Variants in PCDHGA9 observed in about 807,000 individuals in gnomAD.
The protein encoded by PCDHGA9 is protocadherin gamma subfamily A, 9.
PCDHGA9 carries 37 observed loss-of-function variants against 62.5 expected under a neutral mutation model. That is an observed-to-expected ratio of 0.59 (90% CI 0.46 to 0.78). The LOEUF (loss-of-function observed/expected upper bound fraction) is 0.78, where lower values mean the gene tolerates loss of function less well. Among genes scored for constraint, PCDHGA9 ranks in the 30% least tolerant of loss-of-function variants. The probability of loss-of-function intolerance (pLI) is 0.00; values close to 1 mark genes in which losing one functional copy is unlikely to be tolerated. For synonymous variants in PCDHGA9, 459 were observed against 484.6 expected, an observed-to-expected ratio of 0.95 and a Z score of 0.69; for missense variants, 1,138 against 1,166.2, an observed-to-expected ratio of 0.98 and a Z score of 0.35.
intron 1 of PCDHGA9, chr5:141,417,543 C>T: frequency 6.5e-6 from 2 of 307,994 alleles, no homozygotes; most frequent in Non-Finnish European, 1.2e-5. Flanking sequence ...AAAAAAAATT[C>T]CTTGAAAGAG....
rs1415142555 is a variant in PCDHGA9, at chr5:141,476,011, A to G, written c.2425-18796A>G. The G allele has an allele frequency of 7.6e-7, 1 of 1,311,282 alleles. No individual in the cohort carries two copies. The highest frequency in any genetic ancestry group is 1.0e-6 in the Non-Finnish European group (1 of 962,238). 81.2% of individuals were successfully genotyped at this position (1,311,282 alleles called of 1,614,324 possible). ...GCAAATCAACGGCATCCAGAAAGCC[A>G]TGTCGGACTCGGCGCCCAGCGCCCA... On this transcript the variant is annotated intron_variant, in intron 1 of 3. Coordinates refer to ENST00000573521, the MANE Select transcript of PCDHGA9 (RefSeq NM_018921.3). This position sits in a 1 kb window ranked among gnomAD's most constrained non-coding sequence, Gnocchi z 7.6.
chr5:141,469,394 G>A lies in PCDHGA9; in HGVS notation c.2425-25413G>A, dbSNP rs550152670. Among the ~76,000 whole-genome samples the A allele has an allele frequency of 2.5e-4, 38 of 152,198 alleles. 1 individual carries two copies. The highest frequency in any genetic ancestry group is 8.4e-4 in the African/African-American group (35 of 41,514). On this transcript the variant is annotated intron_variant, in intron 1 of 3. Coordinates refer to ENST00000573521, the MANE Select transcript of PCDHGA9 (RefSeq NM_018921.3). ...GATCGAGACCATCCTGGCCAACATG[G>A]TGAAACCCCGTTTCTACTAAAAATA...
chr5:141,438,347 C>T (rs150878327), intron 1 of PCDHGA9, among the ~76,000 whole-genome samples: 7 of 151,730 alleles, frequency 4.6e-5, no homozygotes, highest in Non-Finnish European at 2.9e-5. Flanking sequence ...TAAGGATCTA[C>T]TCTGTGTATT....
chr5:141,483,501 G>A (rs1022338958), intron 1 of PCDHGA9, among the ~76,000 whole-genome samples: 2 of 150,394 alleles, frequency 1.3e-5, no homozygotes, highest in Admixed American at 1.3e-4. Context: ...ATGAGTCAAG[G>A]CTGATCCCCC....
intron 1 of PCDHGA9, chr5:141,419,076 C>G: frequency 6.2e-7 from 1 of 1,613,956 alleles, no homozygotes; most frequent in Non-Finnish European, 8.5e-7. Context: ...AAGCTAGTAA[C>G]AGATGAGGCC....
chr5:141,419,177 C>G (rs1223789288), intron 1 of PCDHGA9: 3 of 1,613,980 alleles, frequency 1.9e-6, no homozygotes, highest in Non-Finnish European at 2.5e-6. Flanking sequence ...AACCATAACC[C>G]TGCACATTAC....
At position 141,405,062 on chromosome 5, in the gene PCDHGA9, T is replaced by C; in HGVS notation, c.2110T>C (p.Phe704Leu). ...GGCTGTGGCAGTCGTCTCCTGTGTC[T>C]TCCTCACCTTCGTTATCACGCTGCT... ...VVAVAVVSCVFLTFVITLLAL... is the reference protein window; with the variant it reads ...VVAVAVVSCVLLTFVITLLAL... The change falls in exon 1 of 4, where the codon TTC (phenylalanine) becomes CTC (leucine). Residue 704 changes from phenylalanine (F) to leucine (L), a missense_variant. Phe to Leu is a conservative substitution (Grantham distance 22). Coordinates refer to ENST00000573521, the MANE Select transcript of PCDHGA9 (RefSeq NM_018921.3). 6.2e-7 allele frequency: 1 copy of C among 1,613,918 alleles called. No individual in the cohort carries two copies. The highest frequency in any genetic ancestry group is 8.5e-7 in the Non-Finnish European group (1 of 1,179,790).
chr5:141,409,023 A>C, intron 1 of PCDHGA9: 1 of 1,614,044 alleles, frequency 6.2e-7, no homozygotes, highest in Non-Finnish European at 8.5e-7. Flanking sequence ...GAGGGGGTCA[A>C]TGCTGAGATA....
At chr5:141,496,602 C>T (rs981108050) in intron 2 of PCDHGA9, among the ~76,000 whole-genome samples, 1 of 152,150 alleles carries the variant, frequency 6.6e-6, no homozygotes, top group Non-Finnish European at 1.5e-5. Flanking sequence ...TCTTAGAAGG[C>T]CCCTAAAAAG....
chr5:141,423,895 G>T, intron 1 of PCDHGA9: 1 of 1,277,758 alleles, frequency 7.8e-7, no homozygotes, highest in Non-Finnish European at 9.9e-7. Flanking sequence ...ATTTTCTTTT[G>T]ATTTCAAAGG....
In PCDHGA9 at chr5:141,487,906, AGCACAGGAGGCTACAGT is replaced by A. The variant is rs2099668744; in HGVS notation, c.2425-6893_2425-6877del. ...TGGAAGCATGATGATGGAATGTGGG[AGCACAGGAGGCTACAGT>A]GCACAGGGTACAGTGCACCAGGCAG... On this transcript the variant is annotated intron_variant, in intron 1 of 3. Coordinates refer to ENST00000573521, the MANE Select transcript of PCDHGA9 (RefSeq NM_018921.3). The surrounding 1 kb of genome is among the most constrained non-coding windows in gnomAD (Gnocchi z 5.0). The A allele has an allele frequency of 8.7e-6, 6 of 686,524 alleles. No homozygotes were observed. The East Asian group carries it at 1.6e-4, about 19-fold the overall frequency. The allele number at this position is 686,524 out of a possible 1,614,324, so 42.5% of individuals were successfully genotyped here.
chr5:141,470,825 C>T (rs557419577), intron 1 of PCDHGA9, among the ~76,000 whole-genome samples: 5 of 152,064 alleles, frequency 3.3e-5, no homozygotes, highest in Admixed American at 1.3e-4. Context: ...GTAGTTAGGA[C>T]GACAAACACA....
intron 1 of PCDHGA9, chr5:141,478,760 C>T (rs1472984737): frequency 1.5e-5 from 23 of 1,510,888 alleles, no homozygotes; most frequent in Non-Finnish European, 1.9e-5. Context: ...GGGGAAGATA[C>T]TTGACTCATC....
chr5:141,415,461 T>C, intron 1 of PCDHGA9: 5 of 1,614,180 alleles, frequency 3.1e-6, no homozygotes, highest in Non-Finnish European at 4.2e-6. Context: ...ACGAGGTCTC[T>C]CTCACCGCGG....
chr5:141,417,861 T>A, intron 1 of PCDHGA9: 3 of 1,549,554 alleles, frequency 1.9e-6, no homozygotes, highest in Non-Finnish European at 2.6e-6. Context: ...GAGCGAACGA[T>A]GGGAGGGAGC....
intron 1 of PCDHGA9, chr5:141,413,526 G>T: frequency 6.2e-7 from 1 of 1,613,936 alleles, no homozygotes; most frequent in Non-Finnish European, 8.5e-7. Context: ...TGGAAGACAG[G>T]GTGAAACTTT....
In PCDHGA9 at chr5:141,477,085, G is replaced by A. The variant is rs1420972762; in HGVS notation, c.2425-17722G>A. On this transcript the variant is annotated intron_variant, in intron 1 of 3. Coordinates refer to ENST00000573521, the MANE Select transcript of PCDHGA9 (RefSeq NM_018921.3). This position sits in a 1 kb window ranked among gnomAD's most constrained non-coding sequence, Gnocchi z 4.9. ...CCAAACTCCATGAGATTTACATCCAGGCCAAAGACAAGGGCGCCAATCCCG... is the reference window on the plus strand; with the variant it reads ...CCAAACTCCATGAGATTTACATCCAAGCCAAAGACAAGGGCGCCAATCCCG... 1 of 1,614,262 alleles carries A rather than the reference G, an allele frequency of 6.2e-7. No individual in the cohort carries two copies. The highest frequency in any genetic ancestry group is 1.7e-5 in the Admixed American group (1 of 60,034).
Position 141,404,381 on chromosome 5 carries a change from T to A in PCDHGA9, c.1429T>A (p.Tyr477Asn), listed in dbSNP as rs762394525. 3.1e-6 allele frequency: 5 copies of A among 1,613,954 alleles called. No homozygotes were observed. The highest frequency in any genetic ancestry group is 1.6e-4 in the Middle Eastern group (1 of 6,062). Reference protein sequence around the residue: ...RGTSIFSVIAYDPDSNENSRV... With the variant: ...RGTSIFSVIANDPDSNENSRV... ...TACTTCCATCTTCTCCGTGATTGCC[T>A]ATGACCCTGATAGCAATGAGAATTC... The change falls in exon 1 of 4, where the codon TAT (tyrosine) becomes AAT (asparagine). Residue 477 changes from tyrosine (Y) to asparagine (N), a missense_variant. Tyr to Asn is a moderately radical substitution (Grantham distance 143). Transcript: ENST00000573521.
At position 141,409,019 on chromosome 5, in the gene PCDHGA9, G is replaced by T; in HGVS notation, c.2424+3643G>T. 2.5e-6 allele frequency: 4 copies of T among 1,613,996 alleles called. No homozygotes were observed. The South Asian group carries it at 3.3e-5, about 13-fold the overall frequency. On this transcript the variant is annotated intron_variant, in intron 1 of 3. Coordinates refer to ENST00000573521, the MANE Select transcript of PCDHGA9 (RefSeq NM_018921.3). The stretch of plus-strand genomic sequence containing the variant: ...GACAGCCACTGACCAGGATGAGGGG[G>T]TCAATGCTGAGATAAACTACTACTT...
Sources: allele counts gnomAD v4.1 joint callset (sites outside exome capture counted in the v4.1 genomes callset), GRCh38; gene constraint gnomAD v4.1.1; non-coding constraint Gnocchi (gnomAD v3.1); transcripts MANE v1.5; gene names NCBI Gene and HGNC (gene_info 2026-07-23, HGNC 2026-07-21).